The following ALKAL1 variants were observed in gnomAD, a reference collection of about 807,000 sequenced individuals.
ALKAL1 encodes the protein AUG-beta.
A neutral mutation model predicts 13.5 loss-of-function variants in ALKAL1; 23 were observed. That is an observed-to-expected ratio of 1.70 (90% CI 1.23 to 2.41). The LOEUF (loss-of-function observed/expected upper bound fraction) is 2.41, where lower values mean the gene tolerates loss of function less well. ALKAL1 is among the 30% of genes most tolerant of loss of function. The pLI, the probability that ALKAL1 is intolerant of heterozygous loss-of-function variation, is 0.00. For synonymous variants in ALKAL1, 85 were observed against 77.7 expected, an observed-to-expected ratio of 1.09 and a Z score of -0.49; for missense variants, 181 against 178.4, an observed-to-expected ratio of 1.01 and a Z score of -0.08.
At chr8:52,554,189 A>G (rs1415265513) in intron 1 of ALKAL1, among the ~76,000 whole-genome samples, 1 of 152,162 alleles carries the variant, frequency 6.6e-6, no homozygotes, top group Non-Finnish European at 1.5e-5. Flanking sequence ...GCACCATTGC[A>G]CTCCAGCCTG....
At chr8:52,548,489 A>C (rs935885564) in intron 1 of ALKAL1, among the ~76,000 whole-genome samples, 3 of 152,196 alleles carry the variant, frequency 2.0e-5, no homozygotes, top group African/African-American at 7.2e-5. Context: ...TCAAGTAGCT[A>C]GAAGGAGGAT....
chr8:52,565,074 C>G lies in ALKAL1; in HGVS notation c.183G>C (p.Arg61=). The change falls in exon 1 of 5, where the codon CGG becomes CGC. Residue 61 remains arginine, a synonymous_variant. Coordinates refer to ENST00000358543, the MANE Select transcript of ALKAL1 (RefSeq NM_207413.4). ...AGAGRTPSGS[R]SAEIFPRDSN... Reference sequence around the variant, plus strand: ...GGGATGGGGACATCGTACCTGCGCTCCGGGAGCCGCTGGGAGTCCGGCCGG... The same window carrying G: ...GGGATGGGGACATCGTACCTGCGCTGCGGGAGCCGCTGGGAGTCCGGCCGG... 1 of 1,402,126 alleles carries G rather than the reference C, an allele frequency of 7.1e-7. No homozygotes were observed. The highest frequency in any genetic ancestry group is 3.0e-5 in the East Asian group (1 of 32,906). 86.9% of individuals were successfully genotyped at this position (1,402,126 alleles called of 1,614,324 possible). A position where few individuals can be genotyped will look rare whatever the true frequency, so the allele number is the denominator to read the frequency against.
Position 52,540,826 on chromosome 8 carries a change from C to G in ALKAL1, c.245-915G>C, listed in dbSNP as rs919769341. On this transcript the variant is annotated intron_variant, in intron 2 of 4. Coordinates refer to ENST00000358543, the MANE Select transcript of ALKAL1 (RefSeq NM_207413.4). ...TCTCGTGGGGTCTACGGTCATGTCG[C>G]TCACAACTGCCTCGAAAGGCTCAAC... Among the ~76,000 whole-genome samples, 7 of 152,280 alleles carry G rather than the reference C, an allele frequency of 4.6e-5. No homozygotes were observed. In the East Asian group the frequency reaches 1.4e-3, roughly 30 times the overall value.
At chr8:52,537,755 TAAA>T (rs879662343) in intron 4 of ALKAL1, among the ~76,000 whole-genome samples, 1 of 140,152 alleles carries the variant, frequency 7.1e-6, no homozygotes. Context: ...ATGAGGGAGC[TAAA>T]AAAAAAAAAG....
intron 4 of ALKAL1, among the ~76,000 whole-genome samples, chr8:52,535,125 T>TTG (rs1175916920): frequency 6.6e-6 from 1 of 152,154 alleles, no homozygotes; most frequent in Non-Finnish European, 1.5e-5. Flanking sequence ...TATTGTGTTG[T>TTG]TTGAGGACTT....
intron 1 of ALKAL1, among the ~76,000 whole-genome samples, chr8:52,553,697 A>G (rs1363037072): frequency 6.6e-6 from 1 of 152,220 alleles, no homozygotes; most frequent in African/African-American, 2.4e-5. Flanking sequence ...CAAAATATTA[A>G]ATAAGTCCAG....
chr8:52,559,481 C>T (rs1847516987), intron 1 of ALKAL1, among the ~76,000 whole-genome samples: 1 of 152,082 alleles, frequency 6.6e-6, no homozygotes, highest in South Asian at 2.1e-4. Context: ...CACCTTTCTC[C>T]TCCTCACTCT....
Position 52,565,141 on chromosome 8 carries a change from T to A in ALKAL1, c.116A>T (p.Asp39Val). The change falls in exon 1 of 5, where the codon GAT becomes GTT. Residue 39 changes from aspartate (D) to valine (V), a missense_variant. Physicochemically the swap from Asp to Val is radical, Grantham distance 152. Transcript: ENST00000358543. The part of the protein sequence containing the change: ...PRGRRGARVT[D>V]KEPKPLLFLP... ...GAAAAGCAACGGCTTGGGCTCCTTATCCGTGACGCGCGCTCCCCTGCGCCC... is the reference window on the plus strand; with the variant it reads ...GAAAAGCAACGGCTTGGGCTCCTTAACCGTGACGCGCGCTCCCCTGCGCCC... 7.1e-7 allele frequency: 1 copy of A among 1,407,938 alleles called. No homozygotes were observed. Among genetic ancestry groups the A allele is most frequent in the Non-Finnish European group, 9.3e-7 (1 of 1,073,442 alleles). The allele number at this position is 1,407,938 out of a possible 1,614,324, so 87.2% of individuals were successfully genotyped here.
intron 1 of ALKAL1, among the ~76,000 whole-genome samples, chr8:52,559,691 TGCTCTAGAAG>T (rs1202030962): frequency 6.6e-6 from 1 of 152,224 alleles, no homozygotes; most frequent in Non-Finnish European, 1.5e-5. Flanking sequence ...TAACAACTAC[TGCTCTAGAAG>T]GTATTAAGGA....
At chr8:52,556,369 C>T (rs1847481064) in intron 1 of ALKAL1, among the ~76,000 whole-genome samples, 1 of 152,136 alleles carries the variant, frequency 6.6e-6, no homozygotes, top group South Asian at 2.1e-4. Context: ...ATGGATAGGC[C>T]GGGCGCGGTG....
intron 4 of ALKAL1, among the ~76,000 whole-genome samples, chr8:52,537,214 GA>G (rs1318014033): frequency 1.3e-5 from 2 of 151,894 alleles, no homozygotes; most frequent in South Asian, 2.1e-4. Context: ...ACAAATATAT[GA>G]AAAAAATGCT....
intron 1 of ALKAL1, among the ~76,000 whole-genome samples, chr8:52,556,116 T>C (rs928510331): frequency 1.3e-5 from 2 of 152,214 alleles, no homozygotes; most frequent in Admixed American, 1.3e-4. Context: ...TAACTTTTTC[T>C]ACATACAGCA....
intron 1 of ALKAL1, among the ~76,000 whole-genome samples, chr8:52,553,091 T>C (rs1434489752): frequency 1.3e-5 from 2 of 152,204 alleles, no homozygotes; most frequent in African/African-American, 4.8e-5. Context: ...GGGCACAATG[T>C]TATCCCAGCA....
rs1366605593 is a variant in ALKAL1 at position 52,562,297 on chromosome 8, T to C, written c.190+2770A>G. On this transcript the variant is annotated intron_variant, in intron 1 of 4. Transcript: ENST00000358543. Reference sequence around the variant, plus strand: ...TGAACTAGAGTGGTGGGAAGGACACTAAAAAGGAAGACCCAGATTCGAGAG... The same window carrying C: ...TGAACTAGAGTGGTGGGAAGGACACCAAAAAGGAAGACCCAGATTCGAGAG... Among the ~76,000 whole-genome samples the C allele has an allele frequency of 4.6e-5, 7 of 152,180 alleles. No individual in the cohort carries two copies. In the South Asian group the frequency reaches 1.2e-3, roughly 27 times the overall value.
intron 1 of ALKAL1, among the ~76,000 whole-genome samples, chr8:52,557,899 G>A (rs779237040): frequency 1.3e-5 from 2 of 149,548 alleles, no homozygotes; most frequent in Non-Finnish European, 3.0e-5. Context: ...GTGGGAGGTC[G>A]AGGCTGCAGT....
At chr8:52,546,673 C>T (rs571119942) in intron 1 of ALKAL1, among the ~76,000 whole-genome samples, 3 of 152,324 alleles carry the variant, frequency 2.0e-5, no homozygotes, top group African/African-American at 4.8e-5. Flanking sequence ...ATTAGCAAAT[C>T]GGGTATCAGT....
intron 4 of ALKAL1, among the ~76,000 whole-genome samples, chr8:52,537,801 T>C (rs1263762531): frequency 6.6e-6 from 1 of 151,168 alleles, no homozygotes; most frequent in Non-Finnish European, 1.5e-5. Flanking sequence ...TGTTGGGTAT[T>C]AGAAACTAAA....
rs531708639 is a variant in ALKAL1 at position 52,538,320 on chromosome 8, T to C, written c.*12+111A>G. 145 of 675,668 alleles carry C rather than the reference T, an allele frequency of 2.1e-4. No homozygotes were observed. In the African/African-American group the frequency reaches 2.3e-3, roughly 11 times the overall value. 41.9% of individuals were successfully genotyped at this position (675,668 alleles called of 1,614,324 possible). On this transcript the variant is annotated intron_variant, in intron 4 of 4. Coordinates refer to ENST00000358543, the MANE Select transcript of ALKAL1 (RefSeq NM_207413.4). ...ATACAAGTATCAAAATGTAACACTG[T>C]ACCCCATAAATATGTACAATCATTA... is the stretch of plus-strand genomic sequence containing the variant.
At chr8:52,555,441 G>A (rs907093474) in intron 1 of ALKAL1, among the ~76,000 whole-genome samples, 1 of 152,108 alleles carries the variant, frequency 6.6e-6, no homozygotes, top group Non-Finnish European at 1.5e-5. Flanking sequence ...ACAGAGACAG[G>A]ACACAGGTTT....
Sources: gnomAD v4.1 joint callset for allele counts (sites outside exome capture counted in the v4.1 genomes callset) on GRCh38, gnomAD v4.1.1 for gene constraint, MANE v1.5 for transcripts, NCBI Gene and HGNC (gene_info 2026-07-23, HGNC 2026-07-21) for gene names.